NOSIP: variants seen among roughly 807,000 people sequenced by gnomAD.
The protein encoded by NOSIP is nitric oxide synthase interacting protein, also known as nitric oxide synthase-interacting protein.
NOSIP carries 25 observed loss-of-function variants against 36.4 expected under a neutral mutation model. That is an observed-to-expected ratio of 0.69 (90% CI 0.50 to 0.96). The LOEUF (loss-of-function observed/expected upper bound fraction) is 0.96, where lower values mean the gene tolerates loss of function less well. NOSIP is among the 40% of genes least tolerant of loss of function. The pLI, the probability that NOSIP is intolerant of heterozygous loss-of-function variation, is 0.00. For missense variants in NOSIP, 370 were observed against 429.0 expected (o/e 0.86, Z 1.21); for synonymous variants, 187 against 179.2 (o/e 1.04, Z -0.35).
chr19:49,577,382 C>T (rs965714040), intron 1 of NOSIP, among the ~76,000 whole-genome samples: 2 of 151,956 alleles, frequency 1.3e-5, no homozygotes, highest in Admixed American at 6.6e-5. Flanking sequence ...CATGGCGAAA[C>T]CCCATCTCTA....
Position 49,556,421 on chromosome 19 carries a change from C to A in NOSIP, c.730G>T (p.Ala244Ser). Reference protein sequence around the residue: ...TPCAVLRPSGAVVTLECVEKL... With the variant: ...TPCAVLRPSGSVVTLECVEKL... ...TCCACGCATTCGAGGGTGACCACAG[C>A]CCCACTACGGTGAGGCCGAAGGCGG... Residue 244 changes from alanine (A) to serine (S), a missense_variant, in exon 8 of 9, where the codon GCT becomes TCT. Around this residue, in one of 3 missense-constraint regions of NOSIP, gnomAD observed 315 missense variants for 331.9 expected, o/e 0.95. Transcript: ENST00000596358. The A allele has an allele frequency of 6.2e-7, 1 of 1,613,392 alleles. No individual in the cohort carries two copies. The highest frequency in any genetic ancestry group is 8.5e-7 in the Non-Finnish European group (1 of 1,179,726).
At chr19:49,579,974 T>G (rs1238818891) in intron 1 of NOSIP, among the ~76,000 whole-genome samples, 4 of 150,750 alleles carry the variant, frequency 2.7e-5, no homozygotes, top group South Asian at 2.1e-4. Flanking sequence ...AATCCATGAC[T>G]GCCTGACCCC....
At chr19:49,556,173 G>GGT in intron 8 of NOSIP, 144 bp downstream of exon 8, 1 of 409,344 alleles carries the variant, frequency 2.4e-6, no homozygotes, top group Middle Eastern at 6.1e-4. Context: ...GAGAAAGCGG[G>GGT]GGGGGGGGGC....
intron 1 of NOSIP, among the ~76,000 whole-genome samples, chr19:49,569,297 C>T (rs989433075): frequency 6.8e-6 from 1 of 146,942 alleles, no homozygotes; most frequent in Non-Finnish European, 1.5e-5. Context: ...AGGTTCACAC[C>T]ATTCTCCTGC....
At chr19:49,571,013 G>A (rs2080476593) in intron 1 of NOSIP, among the ~76,000 whole-genome samples, 1 of 151,878 alleles carries the variant, frequency 6.6e-6, no homozygotes, top group Non-Finnish European at 1.5e-5. Context: ...GTCTTGCTCT[G>A]TTGCCGAAGC....
intron 1 of NOSIP, among the ~76,000 whole-genome samples, chr19:49,571,455 A>G (rs1480253446): frequency 6.6e-6 from 1 of 152,126 alleles, no homozygotes; most frequent in Non-Finnish European, 1.5e-5. Context: ...ATTTCAAACT[A>G]CAAAGCAGAC....
In NOSIP at chr19:49,560,871, C is replaced by G. The variant is rs2080324617; in HGVS notation, c.-1-179G>C. On this transcript the variant is annotated intron_variant, in intron 1 of 8. Transcript: ENST00000596358. This position sits in a 1 kb window ranked among gnomAD's most constrained non-coding sequence, Gnocchi z 4.6. ...GCCAGGCCTCCTCCAGGAAGTCCTC[C>G]TTCCAGACTCACCTAGACTCATTTA... is the stretch of plus-strand genomic sequence containing the variant. Among the ~76,000 whole-genome samples, 1 of 152,266 alleles carries G rather than the reference C, an allele frequency of 6.6e-6. No homozygotes were observed. The highest frequency in any genetic ancestry group is 2.1e-4 in the South Asian group (1 of 4,826).
rs992264121 is a variant in NOSIP at position 49,560,868 on chromosome 19, C to T, written c.-1-176G>A. On this transcript the variant is annotated intron_variant, in intron 1 of 8. Coordinates refer to ENST00000596358, the MANE Select transcript of NOSIP (RefSeq NM_001270960.2). This position sits in a 1 kb window ranked among gnomAD's most constrained non-coding sequence, Gnocchi z 4.6. ...GTCGCCAGGCCTCCTCCAGGAAGTCCTCCTTCCAGACTCACCTAGACTCAT... is the reference window on the plus strand; with the variant it reads ...GTCGCCAGGCCTCCTCCAGGAAGTCTTCCTTCCAGACTCACCTAGACTCAT... Among the ~76,000 whole-genome samples, 1 of 152,160 alleles carries T rather than the reference C, an allele frequency of 6.6e-6. No homozygotes were observed. The highest frequency in any genetic ancestry group is 6.5e-5 in the Admixed American group (1 of 15,270).
chr19:49,575,032 T>A (rs575258001), intron 1 of NOSIP, among the ~76,000 whole-genome samples: 1 of 152,086 alleles, frequency 6.6e-6, no homozygotes, highest in African/African-American at 2.4e-5. Context: ...CCGGCTAATT[T>A]TTTTGTATTT....
In NOSIP at chr19:49,556,537, CAG is replaced by C. The variant is rs756619279; in HGVS notation, c.725+10_725+11del. On this transcript the variant is annotated intron_variant, in intron 7 of 8. Transcript: ENST00000596358. ...CCGAGTGGTCCCTTCCCTCCCCTCC[CAG>C]GTGACTCACGAGGGCCGCAGCACAG... 12 of 1,604,046 alleles carry C rather than the reference CAG, an allele frequency of 7.5e-6. No individual in the cohort carries two copies. The highest frequency in any genetic ancestry group is 1.0e-5 in the Non-Finnish European group (12 of 1,177,158).
intron 3 of NOSIP, chr19:49,559,184 AG>A: frequency 1.7e-6 from 1 of 580,190 alleles, no homozygotes; most frequent in Admixed American, 2.9e-5. Flanking sequence ...CAAAGGAAAA[AG>A]GCACATGGGG....
chr19:49,559,894 T>C, intron 3 of NOSIP, 40 bp downstream of exon 3: 4 of 1,495,258 alleles, frequency 2.7e-6, no homozygotes, highest in Non-Finnish European at 3.7e-6. Context: ...GTTCCCTTGC[T>C]CTCCCCACCC....
In NOSIP at chr19:49,555,756, C is replaced by T. The variant is rs765719587; in HGVS notation, c.901G>A (p.Ala301Thr). The T allele has an allele frequency of 2.5e-6, 4 of 1,613,474 alleles. No homozygotes were observed. ...QAEKSRPVMQ[A>T] ...ATTTGGTCTCCCGCACACACTCAGGCCTGCATCACCGGCCGTGATTTCTCC... is the reference window on the plus strand; with the variant it reads ...ATTTGGTCTCCCGCACACACTCAGGTCTGCATCACCGGCCGTGATTTCTCC... The change falls in exon 9 of 9, where the codon GCC becomes ACC. Residue 301 changes from alanine to threonine, a missense_variant. Physicochemically the swap from Ala to Thr is moderately conservative, Grantham distance 58. Coordinates refer to ENST00000596358, the MANE Select transcript of NOSIP (RefSeq NM_001270960.2).
At chr19:49,564,297 AC>A (rs1385984835) in intron 1 of NOSIP, among the ~76,000 whole-genome samples, 3 of 151,874 alleles carry the variant, frequency 2.0e-5, no homozygotes, top group Admixed American at 1.3e-4. Flanking sequence ...TACTAAAAAT[AC>A]AAAAAGTTAG....
At chr19:49,566,546 C>T (rs2080410576) in intron 1 of NOSIP, 1 of 152,116 alleles carries the variant, frequency 6.6e-6, no homozygotes, top group Admixed American at 6.6e-5. Flanking sequence ...AGTGGTCCTC[C>T]TGCTTTGGCC....
chr19:49,568,940 C>T (rs765495920), intron 1 of NOSIP, among the ~76,000 whole-genome samples: 2 of 150,890 alleles, frequency 1.3e-5, no homozygotes, highest in Non-Finnish European at 3.0e-5. Context: ...GTAGCTGGGA[C>T]TACAGGCCTG....
chr19:49,565,276 A>T (rs1416883621), intron 1 of NOSIP, among the ~76,000 whole-genome samples: 6 of 151,426 alleles, frequency 4.0e-5, no homozygotes, highest in African/African-American at 1.5e-4. Context: ...CTGTCTCAAA[A>T]AAAAAAAAGT....
chr19:49,559,863 G>T, intron 3 of NOSIP, 71 bp downstream of exon 3: 2 of 1,130,150 alleles, frequency 1.8e-6, no homozygotes, highest in Non-Finnish European at 2.6e-6. Flanking sequence ...CCAGACCCAC[G>T]CACACAGCCT....
intron 3 of NOSIP, chr19:49,559,549 C>T: frequency 5.2e-6 from 1 of 193,690 alleles, no homozygotes; most frequent in South Asian, 8.6e-5. Flanking sequence ...CTTGGGGGCC[C>T]TGATCATTAA....
Sources: allele counts gnomAD v4.1 joint callset (sites outside exome capture counted in the v4.1 genomes callset), GRCh38; gene constraint gnomAD v4.1.1; regional missense constraint gnomAD v4.1.1; non-coding constraint Gnocchi (gnomAD v3.1); transcripts MANE v1.5; gene names NCBI Gene and HGNC (gene_info 2026-07-23, HGNC 2026-07-21).